TCF25: variants seen among roughly 807,000 people sequenced by gnomAD.
TCF25 encodes TCF25 ribosome quality control complex subunit.
In TCF25, 41 loss-of-function variants were observed where a neutral mutation model predicts 83.1. The ratio of observed to expected loss-of-function variants is 0.49; its 90% CI spans 0.38 to 0.64. The LOEUF (loss-of-function observed/expected upper bound fraction) is 0.64, where lower values mean the gene tolerates loss of function less well. Among genes scored for constraint, TCF25 ranks in the 30% least tolerant of loss-of-function variants. The pLI is 0.00. For synonymous variants in TCF25, 458 were observed against 365.0 expected (o/e 1.25, Z -2.90); for missense variants, 979 against 914.5 (o/e 1.07, Z -0.91).
chr16:89,907,373 C>A (rs1567740825), intron 16 of TCF25, 51 bp downstream of exon 16: 3 of 236,650 alleles, frequency 1.3e-5, no homozygotes, highest in East Asian at 1.2e-4. Context: ...TCCCTCCTCC[C>A]AGTTCCCAGC....
rs925940839 is a variant in TCF25 at position 89,883,290 on chromosome 16, C to G, written c.193-61C>G. On this transcript the variant is annotated intron_variant, in intron 1 of 17. Coordinates refer to ENST00000263346, the MANE Select transcript of TCF25 (RefSeq NM_014972.3). Reference sequence around the variant, plus strand: ...CCCGTTCACATCTCACTATTCATATCTCAGCATGAGCGTTCACACTGTAAG... The same window carrying G: ...CCCGTTCACATCTCACTATTCATATGTCAGCATGAGCGTTCACACTGTAAG... 5.7e-6 allele frequency: 9 copies of G among 1,582,742 alleles called. No individual in the cohort carries two copies. In the African/African-American group the frequency reaches 8.1e-5, roughly 14 times the overall value.
chr16:89,898,816 C>T lies in TCF25; in HGVS notation c.1165C>T (p.Leu389=). The T allele has an allele frequency of 6.2e-7, 1 of 1,613,954 alleles. No homozygotes were observed. The highest frequency in any genetic ancestry group is 1.3e-5 in the African/African-American group (1 of 75,064). Residue 389 remains leucine, a synonymous_variant, in exon 11 of 18, where the codon CTG becomes TTG. Coordinates refer to ENST00000263346, the MANE Select transcript of TCF25 (RefSeq NM_014972.3). ...PLCMLLLIDH[L]ALRARNYEYL... is the part of the protein sequence containing the mutation. ...CTGCATGCTGCTGCTCATCGACCAC[C>T]TGGCCTTGCGGGCCCGGAACTACGA...
Position 89,876,437 on chromosome 16 carries a change from T to G in TCF25, c.192+2578T>G, listed in dbSNP as rs2042195270. On this transcript the variant is annotated intron_variant, in intron 1 of 17. Coordinates refer to ENST00000263346, the MANE Select transcript of TCF25 (RefSeq NM_014972.3). ...ATGGTGTTTCTCTTTTTAAAAAATT[T>G]TATTTATTTAGAGACAAGATCTCTT... 3.3e-5 allele frequency among the ~76,000 whole-genome samples: 5 copies of G among 152,164 alleles called. No individual in the cohort carries two copies. In the South Asian group the frequency reaches 8.3e-4, roughly 25 times the overall value.
chr16:89,896,697 G>A (rs1419748080), intron 9 of TCF25, among the ~76,000 whole-genome samples: 1 of 152,010 alleles, frequency 6.6e-6, no homozygotes. Context: ...GGGCCTACAG[G>A]CACGTGCCAC....
chr16:89,876,181 C>T (rs2042175440), intron 1 of TCF25, among the ~76,000 whole-genome samples: 1 of 152,074 alleles, frequency 6.6e-6, no homozygotes, highest in African/African-American at 2.4e-5. Context: ...TGAATGACTG[C>T]TTATCGTGCT....
chr16:89,877,943 G>A (rs768213097), intron 1 of TCF25, among the ~76,000 whole-genome samples: 59 of 152,148 alleles, frequency 3.9e-4, no homozygotes, highest in Non-Finnish European at 8.1e-4. Context: ...AAAAAAATCT[G>A]AGCCCTTTTA....
intron 17 of TCF25, 99 bp from the exon 18 acceptor site, chr16:89,910,981 C>T: frequency 6.6e-7 from 1 of 1,514,618 alleles, no homozygotes; most frequent in Admixed American, 1.9e-5. Flanking sequence ...GGTGCTGGGG[C>T]AAGGGCCACC....
At position 89,895,180 on chromosome 16, in the gene TCF25, A is replaced by G. The variant is rs759901688; in HGVS notation, c.928+43A>G. ...CCCCATTCCCCTCAGCTGTGGGAGC[A>G]CCTCAAGCTATCAAGACAGATGCGA... On this transcript the variant is annotated intron_variant, in intron 8 of 17. Coordinates refer to ENST00000263346, the MANE Select transcript of TCF25 (RefSeq NM_014972.3). The G allele has an allele frequency of 1.9e-6, 3 of 1,557,780 alleles. No homozygotes were observed. In the African/African-American group the frequency reaches 4.1e-5, roughly 21 times the overall value.
In TCF25 at chr16:89,905,034, C is replaced by A. The variant is rs146680683; in HGVS notation, c.1566C>A (p.Asn522Lys). 1.9e-6 allele frequency: 3 copies of A among 1,602,402 alleles called. No homozygotes were observed. The African/African-American group carries it at 4.0e-5, about 21-fold the overall frequency. ...CCACCATGAGCTGGCTGGAGGAGAA[C>A]GTCCACGAGGTTCTGCAAGCAGTGG... ...EPATMSWLEE[N>K]VHEVLQAVDA... is the part of the protein sequence containing the mutation. Residue 522 changes from asparagine (N) to lysine (K), a missense_variant, in exon 14 of 18, where the codon AAC becomes AAA. By Grantham distance (94) the Asn-to-Lys change is moderately conservative. Coordinates refer to ENST00000263346, the MANE Select transcript of TCF25 (RefSeq NM_014972.3).
chr16:89,884,587 T>C lies in TCF25; in HGVS notation c.360T>C (p.His120=), dbSNP rs141588472. ...AAATGTGTTTCTATCATTAGTCTCATGCAAGTGGCAAACTCCGGAAGAAGA... is the reference window on the plus strand; with the variant it reads ...AAATGTGTTTCTATCATTAGTCTCACGCAAGTGGCAAACTCCGGAAGAAGA... ...DTETVPSEQS[H]ASGKLRKKKK... is the part of the protein sequence containing the mutation. Residue 120 remains histidine (H), a synonymous_variant, in exon 3 of 18, where the codon CAT becomes CAC. Coordinates refer to ENST00000263346, the MANE Select transcript of TCF25 (RefSeq NM_014972.3). 1.1e-5 allele frequency: 18 copies of C among 1,613,700 alleles called. No homozygotes were observed. In the Admixed American group the frequency reaches 1.3e-4, roughly 12 times the overall value.
intron 1 of TCF25, among the ~76,000 whole-genome samples, chr16:89,882,481 G>C (rs2042681322): frequency 6.6e-6 from 1 of 152,212 alleles, no homozygotes; most frequent in African/African-American, 2.4e-5. Flanking sequence ...AGGCTGCAGT[G>C]AGCCAAGATC....
chr16:89,903,022 C>T (rs1304796061), intron 12 of TCF25, among the ~76,000 whole-genome samples: 3 of 152,188 alleles, frequency 2.0e-5, no homozygotes, highest in East Asian at 1.9e-4. Context: ...CCAAAAGTTT[C>T]GTCCCCTGTG....
intron 14 of TCF25, among the ~76,000 whole-genome samples, chr16:89,905,403 C>G (rs925367584): frequency 4.6e-5 from 7 of 152,214 alleles, no homozygotes; most frequent in African/African-American, 1.7e-4. Flanking sequence ...GAGTCTCTCA[C>G]AGCAGCATCT....
intron 16 of TCF25, chr16:89,910,340 A>C (rs1597402828): frequency 1.8e-6 from 1 of 552,912 alleles, no homozygotes; most frequent in Non-Finnish European, 3.2e-6. Context: ...TCCGGACGCC[A>C]CGCCTGCCTC....
chr16:89,873,642 T>C lies in TCF25; in HGVS notation c.-26T>C, dbSNP rs757478007. 9 of 1,539,540 alleles carry C rather than the reference T, an allele frequency of 5.8e-6. No homozygotes were observed. The highest frequency in any genetic ancestry group is 7.0e-6 in the Non-Finnish European group (8 of 1,149,280). ...TTTTCTGCGCTTCCTTCTCCCTCTC[T>C]CCAGACGTCGTGGTCGTTCGGTCCT... On this transcript the variant is annotated 5_prime_UTR_variant, in exon 1 of 18. Transcript: ENST00000263346.
At chr16:89,904,227 C>T in intron 13 of TCF25, 22 bp downstream of exon 13, 1 of 1,553,988 alleles carries the variant, frequency 6.4e-7, no homozygotes, top group South Asian at 1.2e-5. Context: ...CTGGTGGTGC[C>T]CATCTGTGGG....
chr16:89,887,249 G>A (rs143194870), intron 4 of TCF25, among the ~76,000 whole-genome samples: 43 of 152,012 alleles, frequency 2.8e-4, no homozygotes, highest in African/African-American at 7.2e-4. Context: ...TCATCTCTTG[G>A]TCTTACAGAT....
chr16:89,908,382 C>T (rs1204840385), intron 16 of TCF25, among the ~76,000 whole-genome samples: 1 of 150,144 alleles, frequency 6.7e-6, no homozygotes, highest in South Asian at 2.1e-4. Flanking sequence ...CAGCTCCCAC[C>T]TCCCTCCTTC....
chr16:89,875,513 G>GTT (rs1193815042), intron 1 of TCF25, among the ~76,000 whole-genome samples: 773 of 66,006 alleles, frequency 0.012, 199 homozygotes, highest in African/African-American at 0.025. Context: ...CCTGACGTGA[G>GTT]TTTTTTTTTT....
Sources: allele counts gnomAD v4.1 joint callset (sites outside exome capture counted in the v4.1 genomes callset), GRCh38; gene constraint gnomAD v4.1.1; transcripts MANE v1.5; gene names NCBI Gene and HGNC (gene_info 2026-07-23, HGNC 2026-07-21).